LRRC28: variants seen among roughly 807,000 people sequenced by gnomAD.
The protein encoded by LRRC28 is leucine rich repeat containing 28.
A neutral mutation model predicts 45.7 loss-of-function variants in LRRC28; 39 were observed. The observed-to-expected ratio is 0.85, with a 90% CI of 0.66 to 1.12. The LOEUF (loss-of-function observed/expected upper bound fraction) is 1.12. Among genes scored for constraint, LRRC28 ranks in the 50% most tolerant of loss-of-function variants. The pLI is 0.00. For missense variants in LRRC28, 435 were observed against 438.5 expected, an observed-to-expected ratio of 0.99 and a Z score of 0.07; for synonymous variants, 206 against 178.8, an observed-to-expected ratio of 1.15 and a Z score of -1.22.
chr15:99,299,400 A>C (rs2082341695), intron 5 of LRRC28, among the ~76,000 whole-genome samples: 1 of 152,190 alleles, frequency 6.6e-6, no homozygotes, highest in African/African-American at 2.4e-5. Context: ...CAATATATCT[A>C]CATGTATTAT....
chr15:99,259,597 CA>C (rs1436907027), intron 2 of LRRC28: 4 of 1,492,712 alleles, frequency 2.7e-6, no homozygotes, highest in Non-Finnish European at 3.7e-6. Flanking sequence ...TGGAGAGAAT[CA>C]TGAAAGCACA....
intron 7 of LRRC28, among the ~76,000 whole-genome samples, chr15:99,360,195 A>G (rs1329340760): frequency 6.6e-6 from 1 of 152,164 alleles, no homozygotes; most frequent in Non-Finnish European, 1.5e-5. Flanking sequence ...TGTTGAAACC[A>G]AGACGTAGCC....
chr15:99,385,681 A>T (rs1957961506), intron 9 of LRRC28, among the ~76,000 whole-genome samples: 2 of 151,784 alleles, frequency 1.3e-5, no homozygotes, highest in Admixed American at 1.3e-4. Flanking sequence ...AATGGACTTC[A>T]ATTCTGTGAT....
rs748166648 is a variant in LRRC28, at chr15:99,287,218, TTAATGA to T, written c.210-33_210-28del. 6 of 1,528,118 alleles carry T rather than the reference TTAATGA, an allele frequency of 3.9e-6. No individual in the cohort carries two copies. In the East Asian group the frequency reaches 1.2e-4, roughly 30 times the overall value. The allele number at this position is 1,528,118 out of a possible 1,614,324, so 94.7% of individuals were successfully genotyped here. ...TAAACTGATTATCTGGCAAAAGTAC[TTAATGA>T]TAATGGCTGTTTTTTTTCTTTTTCC... On this transcript the variant is annotated intron_variant, in intron 3 of 9. Transcript: ENST00000301981.
chr15:99,352,025 A>T (rs1956895580), intron 6 of LRRC28, among the ~76,000 whole-genome samples: 1 of 152,150 alleles, frequency 6.6e-6, no homozygotes, highest in Non-Finnish European at 1.5e-5. Flanking sequence ...GACCAAGGAG[A>T]TGGGGGAGAA....
At chr15:99,254,204 A>G (rs1054865758) in intron 1 of LRRC28, among the ~76,000 whole-genome samples, 4 of 152,384 alleles carry the variant, frequency 2.6e-5, no homozygotes, top group African/African-American at 9.6e-5. Context: ...ATTATCTTGC[A>G]CAAAGTCACA....
At chr15:99,315,855 G>A (rs541128498) in intron 5 of LRRC28, among the ~76,000 whole-genome samples, 4 of 152,240 alleles carry the variant, frequency 2.6e-5, no homozygotes, top group African/African-American at 9.6e-5. Context: ...AGGATATAGT[G>A]AGTCGTACAT....
intron 5 of LRRC28, chr15:99,297,155 T>C: frequency 7.5e-6 from 1 of 132,888 alleles, no homozygotes; most frequent in Non-Finnish European, 1.5e-5. Flanking sequence ...CACTCCAGCC[T>C]GGGCAACAAG....
intron 5 of LRRC28, among the ~76,000 whole-genome samples, chr15:99,292,267 C>CT (rs1283159486): frequency 6.6e-6 from 1 of 151,952 alleles, no homozygotes; most frequent in Non-Finnish European, 1.5e-5. Flanking sequence ...TCAGCTCTTT[C>CT]TCTCTTTTCT....
intron 5 of LRRC28, among the ~76,000 whole-genome samples, chr15:99,301,516 T>C (rs1441802557): frequency 1.3e-5 from 2 of 152,198 alleles, no homozygotes; most frequent in Non-Finnish European, 2.9e-5. Context: ...TACTATAAAC[T>C]TTCAATAAGG....
At chr15:99,342,028 T>G (rs1956531955) in intron 6 of LRRC28, among the ~76,000 whole-genome samples, 1 of 152,192 alleles carries the variant, frequency 6.6e-6, no homozygotes, top group Non-Finnish European at 1.5e-5. Flanking sequence ...CATGGCAGTG[T>G]TGTATTTTCC....
At chr15:99,316,973 A>AT (rs1377194907) in intron 5 of LRRC28, among the ~76,000 whole-genome samples, 4 of 150,122 alleles carry the variant, frequency 2.7e-5, no homozygotes, top group Non-Finnish European at 5.9e-5. Context: ...AAGTGCTGGG[A>AT]TAACAGGTGT....
At chr15:99,319,960 G>T (rs192762809) in intron 5 of LRRC28, among the ~76,000 whole-genome samples, 1 of 151,746 alleles carries the variant, frequency 6.6e-6, no homozygotes, top group Non-Finnish European at 1.5e-5. Flanking sequence ...CCGCCACCAC[G>T]CCCAGCTAAT....
chr15:99,319,927 C>T (rs2152276073), intron 5 of LRRC28, among the ~76,000 whole-genome samples: 1 of 152,110 alleles, frequency 6.6e-6, no homozygotes, highest in African/African-American at 2.4e-5. Context: ...CTCAGCCTCC[C>T]AAGTAGCTGG....
Position 99,298,792 on chromosome 15 carries a change from T to A in LRRC28, c.385+10841T>A, listed in dbSNP as rs1391303823. Among the ~76,000 whole-genome samples, 3 of 152,138 alleles carry A rather than the reference T, an allele frequency of 2.0e-5. No individual in the cohort carries two copies. In the East Asian group the frequency reaches 5.8e-4, roughly 29 times the overall value. On this transcript the variant is annotated intron_variant, in intron 5 of 9. Transcript: ENST00000301981. ...GGTGCAATTTTGGCTCACTGCAACC[T>A]TCTCCTCCTGGGTTGAAGCGATTCT...
chr15:99,390,703 A>G lies in LRRC28; in HGVS notation c.*4601A>G, dbSNP rs1476600138. On this transcript the variant is annotated 3_prime_UTR_variant, in exon 10 of 10. Coordinates refer to ENST00000301981, the MANE Select transcript of LRRC28 (RefSeq NM_144598.5). ...ATGTCAATGGTGGAGTATTTATTCA[A>G]GAGAAATGGCTGAATCTCGATACGA... The G allele has an allele frequency of 6.6e-6, 1 of 152,240 alleles. No individual in the cohort carries two copies. The highest frequency in any genetic ancestry group is 1.5e-5 in the Non-Finnish European group (1 of 68,052). The allele number at this position is 152,240 out of a possible 1,614,324, so 9.4% of individuals were successfully genotyped here.
intron 5 of LRRC28, among the ~76,000 whole-genome samples, chr15:99,303,804 A>G (rs1308152193): frequency 6.6e-6 from 1 of 151,644 alleles, no homozygotes; most frequent in African/African-American, 2.4e-5. Flanking sequence ...ATTGCACTCC[A>G]GCCTGGGGGA....
intron 9 of LRRC28, among the ~76,000 whole-genome samples, chr15:99,376,333 G>A (rs1185022684): frequency 6.6e-6 from 1 of 152,028 alleles, no homozygotes; most frequent in African/African-American, 2.4e-5. Context: ...TTCTATTATA[G>A]TCAAAGAACA....
At chr15:99,304,052 G>T (rs948037912) in intron 5 of LRRC28, among the ~76,000 whole-genome samples, 1 of 152,176 alleles carries the variant, frequency 6.6e-6, no homozygotes, top group Non-Finnish European at 1.5e-5. Context: ...AGGGACCGAG[G>T]TTAGAAAACT....
Sources: allele counts gnomAD v4.1 joint callset (sites outside exome capture counted in the v4.1 genomes callset), GRCh38; gene constraint gnomAD v4.1.1; transcripts MANE v1.5; gene names NCBI Gene and HGNC (gene_info 2026-07-23, HGNC 2026-07-21).